MAPK8: variants seen among roughly 807,000 people sequenced by gnomAD.
The protein encoded by MAPK8 is mitogen-activated protein kinase 8, also known as JUN N-terminal kinase.
Under a neutral mutation model 52.9 loss-of-function variants are expected in MAPK8, and 13 were observed. That is an observed-to-expected ratio of 0.25 (90% CI 0.16 to 0.39). The LOEUF is 0.39. MAPK8 is among the 10% of genes least tolerant of loss of function. The pLI is 1.00. For synonymous variants in MAPK8, 191 were observed against 169.8 expected, an observed-to-expected ratio of 1.12 and a Z score of -0.97; for missense variants, 300 against 519.2, an observed-to-expected ratio of 0.58 and a Z score of 4.10.
intron 1 of MAPK8, among the ~76,000 whole-genome samples, chr10:48,313,364 C>T (rs533906684): frequency 7.9e-5 from 12 of 152,056 alleles, no homozygotes; most frequent in African/African-American, 1.7e-4. Flanking sequence ...ATCTAGGAGG[C>T]GGAGGTTGCA....
chr10:48,397,350 C>A (rs1338943729), intron 1 of MAPK8, among the ~76,000 whole-genome samples: 2 of 151,344 alleles, frequency 1.3e-5, no homozygotes, highest in African/African-American at 4.9e-5. Flanking sequence ...GAGATGGGGT[C>A]TCTCTATGTT....
At chr10:48,430,115 A>T (rs1303752840) in intron 10 of MAPK8, 1 of 152,232 alleles carries the variant, frequency 6.6e-6, no homozygotes, top group Non-Finnish European at 1.5e-5. Context: ...TGTTGTTGAG[A>T]TGGAGCCTTG....
rs573402918 is a variant in MAPK8, at chr10:48,334,669, G to A, written c.-50+27848G>A. Reference sequence around the variant, plus strand: ...TCGGGTGAGATTCATCTCCCTTTTCGGCCGGAGTCTGACTCTACGCAGGCA... The same window carrying A: ...TCGGGTGAGATTCATCTCCCTTTTCAGCCGGAGTCTGACTCTACGCAGGCA... On this transcript the variant is annotated intron_variant, in intron 1 of 11. Coordinates refer to ENST00000374189, the MANE Select transcript of MAPK8 (RefSeq NM_001323329.2). 1.1e-3 allele frequency among the ~76,000 whole-genome samples: 171 copies of A among 152,178 alleles called. 1 individual carries two copies. Among genetic ancestry groups the A allele is most frequent in the Admixed American group, 7.4e-3 (113 of 15,262 alleles).
At chr10:48,413,000 A>G (rs779301585) in intron 5 of MAPK8, among the ~76,000 whole-genome samples, 1 of 152,108 alleles carries the variant, frequency 6.6e-6, no homozygotes, top group Non-Finnish European at 1.5e-5. Flanking sequence ...TGTCTATATG[A>G]TTTTGGCTAC....
chr10:48,316,244 G>T (rs963139903), intron 1 of MAPK8, among the ~76,000 whole-genome samples: 6 of 152,118 alleles, frequency 3.9e-5, no homozygotes, highest in African/African-American at 1.4e-4. Context: ...TCTATGTTTA[G>T]ATACACAAAT....
chr10:48,310,039 G>A (rs1841819577), intron 1 of MAPK8, among the ~76,000 whole-genome samples: 1 of 152,184 alleles, frequency 6.6e-6, no homozygotes, highest in Admixed American at 6.5e-5. Flanking sequence ...TTTGATTTCA[G>A]AAGTGAGTTG....
intron 1 of MAPK8, among the ~76,000 whole-genome samples, chr10:48,388,402 A>G (rs2041436312): frequency 6.6e-6 from 1 of 152,174 alleles, no homozygotes; most frequent in Non-Finnish European, 1.5e-5. Context: ...CTCATCTCAA[A>G]GGAGGCAAAG....
intron 6 of MAPK8, among the ~76,000 whole-genome samples, chr10:48,422,377 A>C (rs2043417649): frequency 6.6e-6 from 1 of 152,140 alleles, no homozygotes; most frequent in Non-Finnish European, 1.5e-5. Flanking sequence ...CTTTTATTGC[A>C]GGCTACTCAG....
intron 1 of MAPK8, among the ~76,000 whole-genome samples, chr10:48,316,152 A>G (rs1417815656): frequency 6.6e-6 from 1 of 152,252 alleles, no homozygotes. Context: ...GTCATGCACC[A>G]CATGGTGAGG....
intron 7 of MAPK8, chr10:48,425,464 G>A (rs1682606478): frequency 2.4e-6 from 1 of 410,544 alleles, no homozygotes; most frequent in South Asian, 6.9e-5. Flanking sequence ...AGTAAAACAG[G>A]ATGTGTTCTA....
intron 1 of MAPK8, among the ~76,000 whole-genome samples, chr10:48,356,190 G>A (rs1846917189): frequency 6.6e-6 from 1 of 152,072 alleles, no homozygotes; most frequent in Admixed American, 6.6e-5. Context: ...ATTTTCATAG[G>A]CTTTAAAGCA....
chr10:48,433,724 G>C (rs1183746167), intron 11 of MAPK8, among the ~76,000 whole-genome samples: 1 of 152,160 alleles, frequency 6.6e-6, no homozygotes, highest in East Asian at 1.9e-4. Context: ...GCTCACAGAA[G>C]ACTTTTCATA....
chr10:48,374,032 AAT>A (rs1238582008), intron 1 of MAPK8, among the ~76,000 whole-genome samples: 1 of 152,178 alleles, frequency 6.6e-6, no homozygotes, highest in Non-Finnish European at 1.5e-5. Context: ...AGAGAACAGA[AAT>A]CATAACAGTC....
At chr10:48,426,728 G>T (rs2043706761) in intron 9 of MAPK8, 1 of 519,722 alleles carries the variant, frequency 1.9e-6, no homozygotes, top group Non-Finnish European at 3.3e-6. Flanking sequence ...ATCTTGCCTG[G>T]ATACCTAACC....
At chr10:48,311,958 C>T (rs1427422772) in intron 1 of MAPK8, among the ~76,000 whole-genome samples, 1 of 152,182 alleles carries the variant, frequency 6.6e-6, no homozygotes, top group African/African-American at 2.4e-5. Context: ...AAGTCAGTTT[C>T]TACCCTCAGT....
chr10:48,363,903 T>C (rs1463941782), intron 1 of MAPK8, among the ~76,000 whole-genome samples: 1 of 152,246 alleles, frequency 6.6e-6, no homozygotes, highest in Non-Finnish European at 1.5e-5. Flanking sequence ...GAAGTGTTCT[T>C]CATATCAGTA....
In MAPK8 at chr10:48,436,053, T is replaced by G. The variant is rs1292090650; in HGVS notation, c.*1024T>G. ...AGCACCAGTTGTTCTGGTGTTTCAT[T>G]TGATTCTACTTGTAGCATAATCATT... On this transcript the variant is annotated 3_prime_UTR_variant, in exon 12 of 12. Coordinates refer to ENST00000374189, the MANE Select transcript of MAPK8 (RefSeq NM_001323329.2). 1 of 152,228 alleles carries G rather than the reference T, an allele frequency of 6.6e-6. No homozygotes were observed. The highest frequency in any genetic ancestry group is 1.5e-5 in the Non-Finnish European group (1 of 68,038). 9.4% of individuals were successfully genotyped at this position (152,228 alleles called of 1,614,324 possible).
chr10:48,414,089 A>G (rs2133120420), intron 5 of MAPK8, among the ~76,000 whole-genome samples: 1 of 151,808 alleles, frequency 6.6e-6, no homozygotes, highest in East Asian at 1.9e-4. Context: ...TTTCACCTCT[A>G]GCCCTAAGCA....
At chr10:48,351,459 C>G (rs571143403) in intron 1 of MAPK8, among the ~76,000 whole-genome samples, 2 of 151,986 alleles carry the variant, frequency 1.3e-5, no homozygotes, top group Non-Finnish European at 2.9e-5. Flanking sequence ...ATCCTCCTGC[C>G]TTAGCCTCCC....
Sources: gnomAD v4.1 joint callset for allele counts (sites outside exome capture counted in the v4.1 genomes callset) on GRCh38, gnomAD v4.1.1 for gene constraint, MANE v1.5 for transcripts, NCBI Gene and HGNC (gene_info 2026-07-23, HGNC 2026-07-21) for gene names.